The following PRKN variants were observed in gnomAD, a reference collection of about 807,000 sequenced individuals.
The protein encoded by PRKN is parkin RBR E3 ubiquitin protein ligase.
PRKN carries 56 observed loss-of-function variants against 59.5 expected under a neutral mutation model. The observed-to-expected ratio is 0.94, with a 90% CI of 0.76 to 1.18. The LOEUF (loss-of-function observed/expected upper bound fraction) is 1.18. Among genes scored for constraint, PRKN ranks in the 50% most tolerant of loss-of-function variants. PRKN has a pLI of 0.00. For synonymous variants in PRKN, 250 were observed against 222.1 expected (o/e 1.13, Z -1.12); for missense variants, 657 against 596.4 (o/e 1.10, Z -1.06).
At chr6:162,321,285 T>C (rs1783013475) in intron 2 of PRKN, among the ~76,000 whole-genome samples, 1 of 151,870 alleles carries the variant, frequency 6.6e-6, no homozygotes, top group African/African-American at 2.4e-5. Context: ...AATTTTACAA[T>C]TCCTGTAAAG....
chr6:162,589,979 G>A (rs1208094686), intron 1 of PRKN, among the ~76,000 whole-genome samples: 1 of 152,114 alleles, frequency 6.6e-6, no homozygotes, highest in Non-Finnish European at 1.5e-5. Context: ...CAATAAAAGG[G>A]CTAACTCGTT....
rs1554297453 is a variant in PRKN at position 162,301,787 on chromosome 6, G to GT, written c.172-39023_172-39022insA. Among the ~76,000 whole-genome samples the GT allele has an allele frequency of 1.7e-5, 2 of 116,574 alleles. 1 individual carries two copies. Among genetic ancestry groups the GT allele is most frequent in the Non-Finnish European group, 3.6e-5 (2 of 55,682 alleles). 76.5% of individuals were successfully genotyped at this position (116,574 alleles called of 152,430 possible). On this transcript the variant is annotated intron_variant, in intron 2 of 11. Transcript: ENST00000366898. ...CAGCAAATAAATTGGCCGGGGCGGG[G>GT]GGGGGGTGCAGAATTCACTTTCCCT...
At chr6:161,418,439 G>T (rs1787951121) in intron 9 of PRKN, among the ~76,000 whole-genome samples, 1 of 152,158 alleles carries the variant, frequency 6.6e-6, no homozygotes, top group South Asian at 2.1e-4. Context: ...CCTTGACGTG[G>T]TTTGATTTTT....
chr6:161,759,920 G>A lies in PRKN; in HGVS notation c.871+25852C>T, dbSNP rs545117493. Among the ~76,000 whole-genome samples, 180 of 152,230 alleles carry A rather than the reference G, an allele frequency of 1.2e-3. 1 individual carries two copies. Among genetic ancestry groups the A allele is most frequent in the African/African-American group, 4.1e-3 (172 of 41,538 alleles). ...CTGATAGCTCACTGAGGTAAAAGAA[G>A]CTTTGTGATACAACTGAAGGATGTT... On this transcript the variant is annotated intron_variant, in intron 7 of 11. Transcript: ENST00000366898.
chr6:162,536,257 T>C (rs1277324589), intron 1 of PRKN, among the ~76,000 whole-genome samples: 1 of 152,124 alleles, frequency 6.6e-6, no homozygotes, highest in Non-Finnish European at 1.5e-5. Context: ...CTATAAGATG[T>C]TGAAAATCTG....
chr6:162,065,668 C>T (rs1778306999), intron 4 of PRKN, among the ~76,000 whole-genome samples: 1 of 152,096 alleles, frequency 6.6e-6, no homozygotes, highest in South Asian at 2.1e-4. Context: ...TTTGCTTCCC[C>T]CATCAACTCG....
chr6:162,465,132 T>C (rs569343681), intron 1 of PRKN, among the ~76,000 whole-genome samples: 1 of 152,254 alleles, frequency 6.6e-6, no homozygotes, highest in South Asian at 2.1e-4. Flanking sequence ...AATTAACCAG[T>C]CTTACCAAGC....
intron 5 of PRKN, among the ~76,000 whole-genome samples, chr6:162,020,449 C>G (rs1322354093): frequency 6.7e-6 from 1 of 150,026 alleles, no homozygotes; most frequent in Non-Finnish European, 1.5e-5. Flanking sequence ...TTCTTTTGTA[C>G]ATGATACTGA....
intron 1 of PRKN, among the ~76,000 whole-genome samples, chr6:162,626,029 T>G (rs1782873234): frequency 6.6e-6 from 1 of 152,118 alleles, no homozygotes; most frequent in African/African-American, 2.4e-5. Context: ...TACAACTGGG[T>G]AGAGACTAGG....
At chr6:162,132,366 G>A (rs898743405) in intron 4 of PRKN, among the ~76,000 whole-genome samples, 1 of 152,018 alleles carries the variant, frequency 6.6e-6, no homozygotes, top group Non-Finnish European at 1.5e-5. Flanking sequence ...GCTTCACCTC[G>A]ACCACGGACA....
chr6:162,498,019 T>C (rs997210972), intron 1 of PRKN, among the ~76,000 whole-genome samples: 1 of 152,128 alleles, frequency 6.6e-6, no homozygotes, highest in Non-Finnish European at 1.5e-5. Flanking sequence ...CATGTACCCA[T>C]AAATAAGTAC....
intron 6 of PRKN, among the ~76,000 whole-genome samples, chr6:161,891,467 T>A (rs1795341245): frequency 6.6e-6 from 1 of 152,214 alleles, no homozygotes; most frequent in Admixed American, 6.5e-5. Context: ...AAATTGGGTA[T>A]CAAAGGTAAG....
chr6:162,003,363 T>C (rs1276896143), intron 5 of PRKN, among the ~76,000 whole-genome samples: 1 of 152,100 alleles, frequency 6.6e-6, no homozygotes, highest in African/African-American at 2.4e-5. Context: ...ATTTTCTGAA[T>C]TTTTGTATAT....
At position 161,839,449 on chromosome 6, in the gene PRKN, T is replaced by C. The variant is rs1792894128; in HGVS notation, c.735-53541A>G. Among the ~76,000 whole-genome samples the C allele has an allele frequency of 2.0e-5, 3 of 152,144 alleles. No individual in the cohort carries two copies. The South Asian group carries it at 6.2e-4, about 32-fold the overall frequency. On this transcript the variant is annotated intron_variant, in intron 6 of 11. Transcript: ENST00000366898. ...TCTCAAACCACCCTGACGTTCAGGG[T>C]GAGGGCTGGAGCTCTCTGCTCCTGA...
intron 3 of PRKN, among the ~76,000 whole-genome samples, chr6:162,250,877 T>A (rs1401082661): frequency 6.7e-6 from 1 of 148,906 alleles, no homozygotes; most frequent in Admixed American, 6.7e-5. Context: ...TCTAGTTATT[T>A]CCAGGAGTTT....
At chr6:162,001,796 T>C (rs1782067078) in intron 5 of PRKN, among the ~76,000 whole-genome samples, 1 of 151,720 alleles carries the variant, frequency 6.6e-6, no homozygotes, top group Non-Finnish European at 1.5e-5. Context: ...TTTTTGTAGA[T>C]ATTCCTTATC....
At chr6:162,302,963 T>TACACACACAAACACACACAC in intron 2 of PRKN, among the ~76,000 whole-genome samples, 1 of 139,494 alleles carries the variant, frequency 7.2e-6, no homozygotes, top group Middle Eastern at 3.4e-3. Context: ...GCCTTAAACA[T>TACACACACAAACACACACAC]ACACACACAC....
At chr6:162,115,242 A>G (rs2128303663) in intron 4 of PRKN, among the ~76,000 whole-genome samples, 1 of 152,070 alleles carries the variant, frequency 6.6e-6, no homozygotes, top group South Asian at 2.1e-4. Context: ...AACTATCGCA[A>G]GAACAAAAAA....
chr6:161,932,120 TA>T (rs1000654238), intron 6 of PRKN, among the ~76,000 whole-genome samples: 3 of 152,020 alleles, frequency 2.0e-5, no homozygotes, highest in African/African-American at 7.2e-5. Context: ...ATTTTTATTA[TA>T]AAAAATTCAG....
Sources: allele counts gnomAD v4.1 joint callset (sites outside exome capture counted in the v4.1 genomes callset), GRCh38; gene constraint gnomAD v4.1.1; transcripts MANE v1.5; gene names NCBI Gene and HGNC (gene_info 2026-07-23, HGNC 2026-07-21).